Variants in PRKCE observed in about 807,000 individuals in gnomAD.
The protein encoded by PRKCE is protein kinase C epsilon.
Under a neutral mutation model 85.4 loss-of-function variants are expected in PRKCE, and 16 were observed. That is an observed-to-expected ratio of 0.19 (90% CI 0.13 to 0.28). PRKCE has a LOEUF of 0.28. Among genes scored for constraint, PRKCE ranks in the 10% least tolerant of loss-of-function variants. The pLI is 1.00. For synonymous variants in PRKCE, 388 were observed against 371.5 expected, an observed-to-expected ratio of 1.04 and a Z score of -0.51; for missense variants, 573 against 975.2, an observed-to-expected ratio of 0.59 and a Z score of 5.49.
rs113284388 is a variant in PRKCE, at chr2:45,901,446, T to G, written c.412+58383T>G. 5.1e-3 allele frequency among the ~76,000 whole-genome samples: 771 copies of G among 152,336 alleles called. 12 individuals are homozygous for G. Among genetic ancestry groups the G allele is most frequent in the African/African-American group, 0.017 (724 of 41,566 alleles). On this transcript the variant is annotated intron_variant, in intron 2 of 14. Transcript: ENST00000306156. The stretch of plus-strand genomic sequence containing the variant: ...CCAATAAAGTTTGCCCTGGGCCTTC[T>G]TGGAAAGACTTGTGCCTTTTAGAAA...
rs796563898 is a variant in PRKCE, at chr2:45,774,921, G to A, written c.349-68079G>A. Reference sequence around the variant, plus strand: ...AGTGACACGGTCCCAGCAAGGGTGTGGTGAAGGAAGTTGTTTTTCTTAATG... The same window carrying A: ...AGTGACACGGTCCCAGCAAGGGTGTAGTGAAGGAAGTTGTTTTTCTTAATG... On this transcript the variant is annotated intron_variant, in intron 1 of 14. Transcript: ENST00000306156. The surrounding 1 kb of genome is among the most constrained non-coding windows in gnomAD (Gnocchi z 4.3). 7.3e-5 allele frequency among the ~76,000 whole-genome samples: 11 copies of A among 149,730 alleles called. No individual in the cohort carries two copies. Among genetic ancestry groups the A allele is most frequent in the African/African-American group, 2.4e-4 (10 of 41,522 alleles).
At chr2:45,818,817 TGAC>T (rs1451082007) in intron 1 of PRKCE, among the ~76,000 whole-genome samples, 8 of 152,270 alleles carry the variant, frequency 5.3e-5, no homozygotes, top group African/African-American at 1.7e-4. Flanking sequence ...ACATGGATAA[TGAC>T]GAAAACCTAT....
At chr2:45,824,248 A>G (rs1017101154) in intron 1 of PRKCE, among the ~76,000 whole-genome samples, 1 of 152,242 alleles carries the variant, frequency 6.6e-6, no homozygotes, top group African/African-American at 2.4e-5. Context: ...CCAATCATCT[A>G]AGGTAAACAG....
At chr2:45,818,119 T>A (rs1468283651) in intron 1 of PRKCE, among the ~76,000 whole-genome samples, 1 of 152,222 alleles carries the variant, frequency 6.6e-6, no homozygotes, top group Non-Finnish European at 1.5e-5. Flanking sequence ...TCATAATCAT[T>A]TTACACAATC....
chr2:46,156,028 C>CAA (rs141274104), intron 13 of PRKCE, among the ~76,000 whole-genome samples: 10,459 of 111,998 alleles, frequency 0.093, 381 homozygotes, highest in African/African-American at 0.11. Context: ...ACTTCATGTA[C>CAA]AAAAAAAAAT....
At chr2:45,792,487 G>A (rs1244121645) in intron 1 of PRKCE, among the ~76,000 whole-genome samples, 1 of 150,616 alleles carries the variant, frequency 6.6e-6, no homozygotes, top group Non-Finnish European at 1.5e-5. Flanking sequence ...CACAAAGCTA[G>A]AGAAGGGTGC....
At chr2:45,738,194 T>C (rs1473903626) in intron 1 of PRKCE, among the ~76,000 whole-genome samples, 1 of 152,258 alleles carries the variant, frequency 6.6e-6, no homozygotes. Flanking sequence ...ATTAAAATCA[T>C]TAATTAACAT....
In PRKCE at chr2:45,945,446, C is replaced by T. The variant is rs1700177650; in HGVS notation, c.413-30983C>T. Among the ~76,000 whole-genome samples, 5 of 151,928 alleles carry T rather than the reference C, an allele frequency of 3.3e-5. No individual in the cohort carries two copies. The South Asian group carries it at 1.0e-3, about 32-fold the overall frequency. ...AAGAACTCTTGTTATCAGGACAGCC[C>T]CAAGCCATTCATGAGGGATCCGCCC... On this transcript the variant is annotated intron_variant, in intron 2 of 14. Coordinates refer to ENST00000306156, the MANE Select transcript of PRKCE (RefSeq NM_005400.3).
At chr2:45,691,081 C>G (rs1056335266) in intron 1 of PRKCE, among the ~76,000 whole-genome samples, 1 of 152,226 alleles carries the variant, frequency 6.6e-6, no homozygotes, top group Admixed American at 6.5e-5. Flanking sequence ...AAATTACATA[C>G]ATGGGGAGCA....
intron 1 of PRKCE, among the ~76,000 whole-genome samples, chr2:45,716,884 GAGA>G (rs1680170533): frequency 6.6e-6 from 1 of 152,180 alleles, no homozygotes; most frequent in Non-Finnish European, 1.5e-5. Context: ...CAGCAGAAAG[GAGA>G]AGAATGAGAG....
At chr2:45,721,012 C>G (rs1218553158) in intron 1 of PRKCE, among the ~76,000 whole-genome samples, 2 of 152,096 alleles carry the variant, frequency 1.3e-5, no homozygotes, top group Non-Finnish European at 2.9e-5. Flanking sequence ...GAGGCTGAGG[C>G]AAAAGAATCG....
At chr2:46,085,465 G>A (rs1669504350) in intron 10 of PRKCE, among the ~76,000 whole-genome samples, 1 of 152,150 alleles carries the variant, frequency 6.6e-6, no homozygotes, top group African/African-American at 2.4e-5. Context: ...GCATCACTGG[G>A]CCTACATGAA....
intron 10 of PRKCE, among the ~76,000 whole-genome samples, chr2:46,017,533 A>G (rs897125484): frequency 6.6e-6 from 1 of 152,160 alleles, no homozygotes; most frequent in African/African-American, 2.4e-5. Flanking sequence ...TATTTCTTTG[A>G]GGCCTTACTT....
chr2:45,972,745 C>T (rs1371722399), intron 2 of PRKCE, among the ~76,000 whole-genome samples: 2 of 152,190 alleles, frequency 1.3e-5, no homozygotes, highest in African/African-American at 2.4e-5. Context: ...ATATTCTTGG[C>T]ACTCTTGTTG....
chr2:45,695,481 A>G (rs191969303), intron 1 of PRKCE, among the ~76,000 whole-genome samples: 4 of 152,334 alleles, frequency 2.6e-5, no homozygotes, highest in Non-Finnish European at 5.9e-5. Context: ...ATAATAGAAT[A>G]TGTATAATAG....
intron 1 of PRKCE, among the ~76,000 whole-genome samples, chr2:45,691,639 C>T (rs6704729): frequency 0.052 from 7,858 of 152,264 alleles, 311 homozygotes; most frequent in East Asian, 0.12. Context: ...TACTCCACTT[C>T]GTGTGTGAAG....
At position 45,884,999 on chromosome 2, in the gene PRKCE, A is replaced by ATTTTTTTTTTTTT. The variant is rs1265565855; in HGVS notation, c.412+41937_412+41938insTTTTTTTTTTTTT. ...TATATATATATATATATATATATAT[A>ATTTTTTTTTTTTT]TATTTGTTGTTGTTGTTGTTGTTTT... On this transcript the variant is annotated intron_variant, in intron 2 of 14. Transcript: ENST00000306156. 2.2e-4 allele frequency among the ~76,000 whole-genome samples: 14 copies of ATTTTTTTTTTTTT among 63,260 alleles called. 1 individual carries two copies. The highest frequency in any genetic ancestry group is 5.9e-4 in the East Asian group (1 of 1,688). The allele number at this position is 63,260 out of a possible 152,430, so 41.5% of individuals were successfully genotyped here.
At chr2:46,024,164 A>C (rs753432260) in intron 10 of PRKCE, among the ~76,000 whole-genome samples, 1 of 152,208 alleles carries the variant, frequency 6.6e-6, no homozygotes, top group Non-Finnish European at 1.5e-5. Flanking sequence ...TGGTTGATTT[A>C]TACTGGGGTG....
chr2:45,868,716 C>T (rs554489216), intron 2 of PRKCE, among the ~76,000 whole-genome samples: 10 of 148,840 alleles, frequency 6.7e-5, no homozygotes, highest in Middle Eastern at 3.5e-3. Context: ...GTGGGCGGAT[C>T]GTCTGAGGTC....
Sources: gnomAD v4.1 joint callset for allele counts (sites outside exome capture counted in the v4.1 genomes callset) on GRCh38, gnomAD v4.1.1 for gene constraint, Gnocchi (gnomAD v3.1) non-coding constraint, MANE v1.5 for transcripts, NCBI Gene and HGNC (gene_info 2026-07-23, HGNC 2026-07-21) for gene names.